RBFOX1: variants seen among roughly 807,000 people sequenced by gnomAD.
RBFOX1 encodes the protein RNA binding fox-1 homolog 1.
RBFOX1 carries 8 observed loss-of-function variants against 57.7 expected under a neutral mutation model. The observed-to-expected ratio is 0.14, with a 90% CI of 0.08 to 0.25. The LOEUF is 0.25. Among genes scored for constraint, RBFOX1 ranks in the 10% least tolerant of loss-of-function variants. RBFOX1 has a pLI of 1.00. For synonymous variants in RBFOX1, 326 were observed against 222.4 expected, an observed-to-expected ratio of 1.47 and a Z score of -4.15; for missense variants, 611 against 548.5, an observed-to-expected ratio of 1.11 and a Z score of -1.14.
Position 6,390,593 on chromosome 16 carries a change from G to C in RBFOX1, c.-64+73536G>C, listed in dbSNP as rs140957861. ...TGGAAGAAACATATCAGATAGTTAT[G>C]ATTTAAATTAAATAAAATAAACTAT... On this transcript the variant is annotated intron_variant, in intron 2 of 15. Transcript: ENST00000550418. Among the ~76,000 whole-genome samples the C allele has an allele frequency of 3.4e-3, 510 of 152,190 alleles. 6 individuals carry two copies. The highest frequency in any genetic ancestry group is 0.012 in the African/African-American group (497 of 41,530).
intron 3 of RBFOX1, among the ~76,000 whole-genome samples, chr16:6,951,063 GC>G (rs982799362): frequency 5.3e-5 from 8 of 151,982 alleles, no homozygotes; most frequent in African/African-American, 1.9e-4. Context: ...GTATCACCAT[GC>G]CCAGCAATTT....
intron 4 of RBFOX1, among the ~76,000 whole-genome samples, chr16:7,138,932 C>T (rs1201385069): frequency 6.6e-6 from 1 of 152,012 alleles, no homozygotes; most frequent in Non-Finnish European, 1.5e-5. Flanking sequence ...CCTCAGCCTC[C>T]CAAGTAGCTA....
chr16:6,253,482 G>A (rs777996043), intron 1 of RBFOX1, among the ~76,000 whole-genome samples: 45 of 152,222 alleles, frequency 3.0e-4, no homozygotes, highest in Admixed American at 4.6e-4. Flanking sequence ...AGTCACATAC[G>A]TAGAGGTCCT....
At chr16:6,910,714 C>T (rs2071351362) in intron 3 of RBFOX1, among the ~76,000 whole-genome samples, 1 of 152,190 alleles carries the variant, frequency 6.6e-6, no homozygotes, top group African/African-American at 2.4e-5. Flanking sequence ...GACTCTAAAG[C>T]AACATCATTT....
At chr16:5,272,156 C>T (rs2087432150) in intron 1 of RBFOX1, among the ~76,000 whole-genome samples, 1 of 152,124 alleles carries the variant, frequency 6.6e-6, no homozygotes, top group Non-Finnish European at 1.5e-5. Context: ...AAATCTGTAG[C>T]ACAGCAGCGT....
intron 11 of RBFOX1, among the ~76,000 whole-genome samples, chr16:7,633,832 C>G (rs554295662): frequency 1.3e-5 from 2 of 152,314 alleles, no homozygotes; most frequent in South Asian, 2.1e-4. Context: ...GGTTTCCTTT[C>G]TCTTTTATGG....
chr16:6,436,366 C>T (rs1427120386), intron 2 of RBFOX1, among the ~76,000 whole-genome samples: 1 of 152,090 alleles, frequency 6.6e-6, no homozygotes, highest in Non-Finnish European at 1.5e-5. Context: ...CACATAAATA[C>T]CTGGAAGATT....
rs117447701 is a variant in RBFOX1, at chr16:7,005,538, A to G, written c.-15-46519A>G. On this transcript the variant is annotated intron_variant, in intron 3 of 15. Coordinates refer to ENST00000550418, the MANE Select transcript of RBFOX1 (RefSeq NM_018723.4). Reference sequence around the variant, plus strand: ...TTGGTACAATGATAAGTGTTCTGTAATTTTTATCTTGAGAAATGGAAAAGC... The same window carrying G: ...TTGGTACAATGATAAGTGTTCTGTAGTTTTTATCTTGAGAAATGGAAAAGC... 5.8e-3 allele frequency among the ~76,000 whole-genome samples: 879 copies of G among 152,286 alleles called. 7 individuals carry two copies. The highest frequency in any genetic ancestry group is 0.023 in the East Asian group (117 of 5,184).
chr16:5,937,920 C>T (rs957423068), intron 4 of RBFOX1, among the ~76,000 whole-genome samples: 79 of 151,770 alleles, frequency 5.2e-4, no homozygotes, highest in African/African-American at 1.7e-3. Flanking sequence ...TATTTCTTAT[C>T]GATGTCAAAT....
intron 5 of RBFOX1, among the ~76,000 whole-genome samples, chr16:7,561,342 T>C (rs1020205483): frequency 6.6e-6 from 1 of 152,234 alleles, no homozygotes; most frequent in African/African-American, 2.4e-5. Flanking sequence ...AGAAAAAGCA[T>C]GCTATCCCCA....
chr16:5,807,065 G>T (rs1597330729), intron 3 of RBFOX1, among the ~76,000 whole-genome samples: 1 of 152,284 alleles, frequency 6.6e-6, no homozygotes, highest in African/African-American at 2.4e-5. Context: ...TGGCCCAGTG[G>T]GAAGATGAGG....
intron 3 of RBFOX1, among the ~76,000 whole-genome samples, chr16:7,005,016 T>A (rs1488677642): frequency 6.6e-6 from 1 of 152,182 alleles, no homozygotes; most frequent in Non-Finnish European, 1.5e-5. Context: ...TGATGGTGCG[T>A]GCCTGTTATC....
chr16:6,590,278 C>T (rs1444176468), intron 2 of RBFOX1, among the ~76,000 whole-genome samples: 2 of 152,174 alleles, frequency 1.3e-5, no homozygotes, highest in South Asian at 4.1e-4. Context: ...CTTTTCTCCC[C>T]ATTTCAGACT....
intron 1 of RBFOX1, among the ~76,000 whole-genome samples, chr16:6,148,729 T>C (rs1482253650): frequency 6.6e-6 from 1 of 152,202 alleles, no homozygotes; most frequent in East Asian, 1.9e-4. Flanking sequence ...GTAAAGTTCA[T>C]TTGCCATACT....
chr16:6,157,850 T>C (rs1264085184), intron 1 of RBFOX1, among the ~76,000 whole-genome samples: 2 of 152,222 alleles, frequency 1.3e-5, no homozygotes, highest in Non-Finnish European at 2.9e-5. Flanking sequence ...TGTCCTATCA[T>C]CTTTGTGAAC....
intron 5 of RBFOX1, among the ~76,000 whole-genome samples, chr16:7,541,873 C>G (rs887460186): frequency 1.1e-4 from 17 of 152,174 alleles, no homozygotes; most frequent in Admixed American, 7.2e-4. Flanking sequence ...AAGAAATCTC[C>G]CAGGCCATTC....
chr16:6,196,703 A>G (rs1260274646), intron 1 of RBFOX1, among the ~76,000 whole-genome samples: 1 of 151,992 alleles, frequency 6.6e-6, no homozygotes, highest in East Asian at 1.9e-4. Context: ...ATTTCTTTGA[A>G]TAATAGAATT....
chr16:7,315,647 AATATAT>A (rs5815396), intron 4 of RBFOX1, among the ~76,000 whole-genome samples: 1 of 148,780 alleles, frequency 6.7e-6, no homozygotes. Context: ...TGGAGAACAG[AATATAT>A]ATATATATAT....
intron 3 of RBFOX1, among the ~76,000 whole-genome samples, chr16:6,834,335 C>A (rs1375237726): frequency 6.6e-6 from 1 of 152,122 alleles, no homozygotes; most frequent in Non-Finnish European, 1.5e-5. Flanking sequence ...CTCGGCCTCC[C>A]AAATTTGCTG....
Sources: allele counts gnomAD v4.1 joint callset (sites outside exome capture counted in the v4.1 genomes callset), GRCh38; gene constraint gnomAD v4.1.1; transcripts MANE v1.5; gene names NCBI Gene and HGNC (gene_info 2026-07-23, HGNC 2026-07-21).